The following VASH1 variants were observed in gnomAD, a reference collection of about 807,000 sequenced individuals.
VASH1 encodes the protein vasohibin 1.
Under a neutral mutation model 35.0 loss-of-function variants are expected in VASH1, and 16 were observed. The observed-to-expected ratio is 0.46, with a 90% CI of 0.31 to 0.70. The LOEUF (loss-of-function observed/expected upper bound fraction) is 0.70. Among genes scored for constraint, VASH1 ranks in the 30% least tolerant of loss-of-function variants. VASH1 has a pLI of 0.05. For missense variants in VASH1, 505 were observed against 510.7 expected, an observed-to-expected ratio of 0.99 and a Z score of 0.11; for synonymous variants, 214 against 200.9, an observed-to-expected ratio of 1.07 and a Z score of -0.55.
intron 4 of VASH1, chr14:76,773,799 A>G (rs2140183062): frequency 6.5e-6 from 1 of 153,314 alleles, no homozygotes; most frequent in South Asian, 2.1e-4. Flanking sequence ...GCGGGAGAGG[A>G]GGAAGTGTTT....
Position 76,763,081 on chromosome 14 carries a change from A to G in VASH1, c.260A>G (p.Asp87Gly). The G allele has an allele frequency of 1.3e-6, 2 of 1,518,244 alleles. No individual in the cohort carries two copies. The highest frequency in any genetic ancestry group is 1.3e-5 in the South Asian group (1 of 77,574). 94.0% of individuals were successfully genotyped at this position (1,518,244 alleles called of 1,614,324 possible). The change falls in exon 1 of 7, where the codon GAT becomes GGT. Residue 87 changes from aspartate to glycine, a missense_variant. Asp to Gly is a moderately conservative substitution (Grantham distance 94). Coordinates refer to ENST00000167106, the MANE Select transcript of VASH1 (RefSeq NM_014909.5). ...MWKHVAKIHP[D>G]GEKVAQRIRG... The stretch of plus-strand genomic sequence containing the variant: ...AAACACGTGGCCAAGATCCACCCCG[A>G]TGGAGAGAAGGTGGCGCAACGGATC...
At chr14:76,770,433 A>G (rs1452514185) in intron 2 of VASH1, among the ~76,000 whole-genome samples, 1 of 152,170 alleles carries the variant, frequency 6.6e-6, no homozygotes, top group Non-Finnish European at 1.5e-5. Context: ...TGGGGCTTTT[A>G]AAAGTCTGAT....
chr14:76,769,336 T>C (rs974454432), intron 1 of VASH1: 3 of 1,289,006 alleles, frequency 2.3e-6, no homozygotes, highest in Non-Finnish European at 3.0e-6. Flanking sequence ...ACCCGGCCCC[T>C]CTGTGCATGC....
At chr14:76,775,738 C>A (rs561297450) in intron 4 of VASH1, among the ~76,000 whole-genome samples, 154 bp from the exon 5 acceptor site, 2 of 152,292 alleles carry the variant, frequency 1.3e-5, no homozygotes, top group Admixed American at 1.3e-4. Flanking sequence ...GCAGGAATAC[C>A]AGGAGGAGAC....
At position 76,777,737 on chromosome 14, in the gene VASH1, C is replaced by T. The variant is rs150469623; in HGVS notation, c.913-222C>T. 3.2e-3 allele frequency among the ~76,000 whole-genome samples: 492 copies of T among 152,330 alleles called. 2 individuals are homozygous for T. The highest frequency in any genetic ancestry group is 0.011 in the African/African-American group (478 of 41,580). On this transcript the variant is annotated intron_variant, in intron 5 of 6. Transcript: ENST00000167106. ...ACTTCCCCCACTTCCACTCTGCCTT[C>T]AGGAGCCCACAGGGATTGGACAGCC...
rs1455562610 is a variant in VASH1, at chr14:76,773,064, G to A, written c.456-73G>A. The A allele has an allele frequency of 8.9e-6, 13 of 1,467,214 alleles. No homozygotes were observed. In the Admixed American group the frequency reaches 2.3e-4, roughly 26 times the overall value. 90.9% of individuals were successfully genotyped at this position (1,467,214 alleles called of 1,614,324 possible). On this transcript the variant is annotated intron_variant, in intron 3 of 6. Coordinates refer to ENST00000167106, the MANE Select transcript of VASH1 (RefSeq NM_014909.5). ...CCTTCTAGCATTTCTAGTCCACCCT[G>A]CCCCCTCCTTCTCACATTCCCCTGG...
chr14:76,767,266 A>AT (rs1416677932), intron 1 of VASH1, among the ~76,000 whole-genome samples: 2 of 151,334 alleles, frequency 1.3e-5, no homozygotes, highest in African/African-American at 2.4e-5. Flanking sequence ...AAATAAATAA[A>AT]TAAATAAATA....
At chr14:76,771,342 C>A in intron 3 of VASH1, 96 bp downstream of exon 3, 2 of 1,225,238 alleles carry the variant, frequency 1.6e-6, no homozygotes, top group South Asian at 4.6e-5. Flanking sequence ...ATGGGGCAGT[C>A]AGGGACTCTT....
intron 3 of VASH1, 110 bp from the exon 4 acceptor site, chr14:76,773,027 G>A (rs777159450): frequency 6.7e-6 from 7 of 1,039,810 alleles, no homozygotes; most frequent in African/African-American, 1.6e-5. Flanking sequence ...CAGCTTAGGG[G>A]GCAGCCTCTG....
chr14:76,767,283 T>TAAATAAATAAAA (rs1373676765), intron 1 of VASH1, among the ~76,000 whole-genome samples: 23 of 151,000 alleles, frequency 1.5e-4, no homozygotes, highest in African/African-American at 3.4e-4. Flanking sequence ...AATAAATAAA[T>TAAATAAATAAAA]AAAAAGTCAC....
In VASH1 at chr14:76,779,327, C is replaced by A; in HGVS notation, c.*309C>A. 5.7e-6 allele frequency: 4 copies of A among 702,344 alleles called. No homozygotes were observed. Among genetic ancestry groups the A allele is most frequent in the Non-Finnish European group, 1.0e-5 (4 of 384,842 alleles). The allele number at this position is 702,344 out of a possible 1,614,324, so 43.5% of individuals were successfully genotyped here. On this transcript the variant is annotated 3_prime_UTR_variant, in exon 7 of 7. Coordinates refer to ENST00000167106, the MANE Select transcript of VASH1 (RefSeq NM_014909.5). ...TGGGAAGGCCAGTGCTTAACAAATC[C>A]ATGTGTCATGGGGCCAGGTGAGGGA... is the stretch of plus-strand genomic sequence containing the variant.
chr14:76,777,007 T>C (rs1239899451), intron 5 of VASH1, among the ~76,000 whole-genome samples: 3 of 152,124 alleles, frequency 2.0e-5, no homozygotes, highest in Non-Finnish European at 2.9e-5. Flanking sequence ...GGTAGCTCCA[T>C]TTTCAGGGTT....
chr14:76,776,679 G>A (rs1316622242), intron 5 of VASH1, among the ~76,000 whole-genome samples: 2 of 152,196 alleles, frequency 1.3e-5, no homozygotes, highest in Non-Finnish European at 2.9e-5. Context: ...GGAAGACAAT[G>A]AGGGCAGTGT....
chr14:76,770,097 G>A, intron 2 of VASH1, 46 bp downstream of exon 2: 1 of 1,571,154 alleles, frequency 6.4e-7, no homozygotes. Context: ...GGCCGGTGTG[G>A]TGGGCCTTGT....
At chr14:76,775,672 C>G (rs1254098946) in intron 4 of VASH1, among the ~76,000 whole-genome samples, 1 of 152,182 alleles carries the variant, frequency 6.6e-6, no homozygotes, top group East Asian at 1.9e-4. Flanking sequence ...AGCCCCGTGC[C>G]TATTCGAGGT....
intron 2 of VASH1, among the ~76,000 whole-genome samples, chr14:76,770,623 TGCACC>T (rs368218800): frequency 8.6e-5 from 13 of 151,966 alleles, no homozygotes; most frequent in African/African-American, 2.7e-4. Flanking sequence ...CTCTAGCCCC[TGCACC>T]CTGCCCCTGC....
chr14:76,766,155 C>A lies in VASH1; in HGVS notation c.309+3025C>A, dbSNP rs931272877. On this transcript the variant is annotated intron_variant, in intron 1 of 6. Transcript: ENST00000167106. ...GGAGCAGGGAGTGAGTGTTCATCGA[C>A]ACCCCACTAGCGCTTTGGAGAAGCA... Among the ~76,000 whole-genome samples the A allele has an allele frequency of 2.6e-5, 4 of 152,220 alleles. No homozygotes were observed. The East Asian group carries it at 7.7e-4, about 29-fold the overall frequency.
intron 1 of VASH1, chr14:76,769,404 C>G (rs913068919): frequency 6.2e-6 from 8 of 1,289,034 alleles, no homozygotes; most frequent in Non-Finnish European, 7.1e-6. Context: ...GGCCTGCTAC[C>G]GCTGACTGAC....
chr14:76,763,289 C>G (rs566869008), intron 1 of VASH1, among the ~76,000 whole-genome samples, 159 bp downstream of exon 1: 1 of 152,330 alleles, frequency 6.6e-6, no homozygotes, highest in East Asian at 1.9e-4. Context: ...AGAACTTTCT[C>G]TCACTGCCAT....
Sources: gnomAD v4.1 joint callset for allele counts (sites outside exome capture counted in the v4.1 genomes callset) on GRCh38, gnomAD v4.1.1 for gene constraint, MANE v1.5 for transcripts, NCBI Gene and HGNC (gene_info 2026-07-23, HGNC 2026-07-21) for gene names.